The following PWWP2A variants were observed in gnomAD, a reference collection of about 807,000 sequenced individuals.
PWWP2A encodes PWWP domain containing 2A.
Under a neutral mutation model 48.5 loss-of-function variants are expected in PWWP2A, and 18 were observed. The ratio of observed to expected loss-of-function variants is 0.37; its 90% CI spans 0.26 to 0.55. The LOEUF is 0.55. Ranked by LOEUF, PWWP2A falls within the 20% of genes least tolerant of loss-of-function variation. The probability of loss-of-function intolerance (pLI) is 0.81; values close to 1 mark genes in which losing one functional copy is unlikely to be tolerated. For missense variants in PWWP2A, 867 were observed against 976.4 expected (o/e 0.89, Z 1.49); for synonymous variants, 396 against 387.7 (o/e 1.02, Z -0.25).
downstream of PWWP2A, chr5:160,090,939 A>G: frequency 1.0e-6 from 1 of 985,282 alleles, no homozygotes; most frequent in Non-Finnish European, 1.2e-6. Context: ...ACCATGTAGA[A>G]AAATAGTAAG....
chr5:160,092,707 G>A lies in PWWP2A; in HGVS notation c.1943C>T (p.Pro648Leu). ...FSKNVSKCVT[P>L]DGRTICVGDI... ...CCCTACACATATGGTCCTGCCATCT[G>A]GTGTGACGCATTTAGAGACGTTTTT... Residue 648 changes from proline to leucine, a missense_variant, in exon 2 of 2, where the codon CCA (proline) becomes CTA (leucine). Pro to Leu is a moderately conservative substitution (Grantham distance 98, BLOSUM62 -3). Around this residue, in one of 4 missense-constraint regions of PWWP2A, gnomAD observed 97 missense variants for 151.7 expected, o/e 0.64. Coordinates refer to ENST00000307063, the MANE Select transcript of PWWP2A (RefSeq NM_001130864.2). The A allele has an allele frequency of 1.9e-6, 3 of 1,551,612 alleles. No homozygotes were observed. The highest frequency in any genetic ancestry group is 2.6e-6 in the Non-Finnish European group (3 of 1,146,978).
At chr5:160,051,038 G>C in the PWWP2A span, 1 of 994,540 alleles carries the variant, frequency 1.0e-6, no homozygotes, top group South Asian at 1.6e-5. Context: ...TTCCACATTA[G>C]GATTCTTGTG....
downstream of PWWP2A, among the ~76,000 whole-genome samples, chr5:160,072,422 C>A (rs1352479911): frequency 6.6e-6 from 1 of 152,208 alleles, no homozygotes; most frequent in African/African-American, 2.4e-5. Context: ...TGACTGCTTA[C>A]AACCCTTCAA....
chr5:160,075,288 G>A (rs922935486), downstream of PWWP2A, among the ~76,000 whole-genome samples: 3 of 152,144 alleles, frequency 2.0e-5, no homozygotes, highest in African/African-American at 7.2e-5. Context: ...TGAAATGGGA[G>A]AATGTTTGAG....
chr5:160,091,154 T>C (rs747292316), downstream of PWWP2A: 52 of 978,038 alleles, frequency 5.3e-5, no homozygotes, highest in Non-Finnish European at 6.2e-5. Context: ...CAAAATCTTA[T>C]TTTGAGAATA....
intron 2 of PWWP2A, among the ~76,000 whole-genome samples, chr5:160,081,428 T>C (rs922451920): frequency 1.3e-5 from 2 of 152,066 alleles, no homozygotes; most frequent in Non-Finnish European, 2.9e-5. Flanking sequence ...TTAGTAGAGA[T>C]GGGGTTTCAC....
Position 160,091,764 on chromosome 5 carries a change from T to C in PWWP2A, c.*618A>G, listed in dbSNP as rs571413007. ...CAAACACTGGGCTATTTCCCCAGTC[T>C]GTAACTGAATTGCAACCATCTGTTT... On this transcript the variant is annotated 3_prime_UTR_variant, in exon 2 of 2. Coordinates refer to ENST00000307063, the MANE Select transcript of PWWP2A (RefSeq NM_001130864.2). 3.0e-6 allele frequency: 3 copies of C among 985,298 alleles called. No homozygotes were observed. The highest frequency in any genetic ancestry group is 1.7e-5 in the African/African-American group (1 of 57,336). 61.0% of individuals were successfully genotyped at this position (985,298 alleles called of 1,614,324 possible). A position where few individuals can be genotyped will look rare whatever the true frequency, so the allele number is the denominator to read the frequency against.
the PWWP2A span, among the ~76,000 whole-genome samples, chr5:160,053,364 C>T: frequency 1.3e-5 from 2 of 151,928 alleles, no homozygotes; most frequent in Admixed American, 6.6e-5. Context: ...AGGCTGAGCC[C>T]GAGTTCAAGA....
downstream of PWWP2A, chr5:160,089,638 T>G (rs1186589986): frequency 7.8e-7 from 1 of 1,287,982 alleles, no homozygotes; most frequent in Non-Finnish European, 1.0e-6. Context: ...AAAAATACTC[T>G]GATGCTTTAC....
chr5:160,053,472 G>T, the PWWP2A span, among the ~76,000 whole-genome samples: 1 of 152,118 alleles, frequency 6.6e-6, no homozygotes, highest in South Asian at 2.1e-4. Flanking sequence ...GCTGCTGTGG[G>T]AGGATCACTT....
At chr5:160,075,690 TAA>T (rs67736406), downstream of PWWP2A, among the ~76,000 whole-genome samples, 86,836 of 150,774 alleles carry the variant, frequency 0.58, 25,033 homozygotes, top group East Asian at 0.62. Context: ...TCCTTCGTCA[TAA>T]AGAGGTCCCA....
At position 160,093,272 on chromosome 5, in the gene PWWP2A, G is replaced by A. The variant is rs767510893; in HGVS notation, c.1378C>T (p.Arg460Cys). 12 of 1,614,018 alleles carry A rather than the reference G, an allele frequency of 7.4e-6. No individual in the cohort carries two copies. The highest frequency in any genetic ancestry group is 5.5e-5 in the South Asian group (5 of 91,084). Residue 460 changes from arginine (R) to cysteine (C), a missense_variant, in exon 2 of 2, where the codon CGT (arginine) becomes TGT (cysteine). Transcript: ENST00000307063. This position sits in a 1 kb window ranked among gnomAD's most constrained non-coding sequence, Gnocchi z 5.8. ...CCTGAGCTAGGATTCTGATATCGAC[G>A]TGTGAAATGGACTTTTGAATGTGCA... Reference protein sequence around the residue: ...KNAHSKVHFTRRYQNPSSGSL... With the variant: ...KNAHSKVHFTCRYQNPSSGSL...
chr5:160,061,380 C>T (rs1753391590), downstream of PWWP2A, among the ~76,000 whole-genome samples: 1 of 152,244 alleles, frequency 6.6e-6, no homozygotes, highest in Non-Finnish European at 1.5e-5. Flanking sequence ...AACTCAGCTA[C>T]ATATGAATTT....
At chr5:160,110,623 T>C (rs1413695996) in intron 1 of PWWP2A, among the ~76,000 whole-genome samples, 1 of 152,130 alleles carries the variant, frequency 6.6e-6, no homozygotes, top group Non-Finnish European at 1.5e-5. Context: ...GGAGAATTAC[T>C]TGAACCCAGG....
the PWWP2A span, among the ~76,000 whole-genome samples, chr5:160,050,066 T>C: frequency 2.6e-5 from 4 of 151,822 alleles, no homozygotes; most frequent in East Asian, 2.0e-4. Context: ...GAGAGGATCA[T>C]TGAGCCCAGG....
At chr5:160,055,022 G>A in the PWWP2A span, among the ~76,000 whole-genome samples, 3 of 152,190 alleles carry the variant, frequency 2.0e-5, no homozygotes, top group Non-Finnish European at 4.4e-5. Flanking sequence ...TGGGAGGAGT[G>A]CCTTCCTGGG....
At chr5:160,045,522 TCTC>T in the PWWP2A span, among the ~76,000 whole-genome samples, 22 of 66,722 alleles carry the variant, frequency 3.3e-4, no homozygotes, top group African/African-American at 1.4e-3. Context: ...ACATACACAC[TCTC>T]TCTCTCTCTC....
chr5:160,070,439 C>T (rs1753714927), intron 2 of PWWP2A, among the ~76,000 whole-genome samples: 2 of 152,146 alleles, frequency 1.3e-5, no homozygotes, highest in Non-Finnish European at 2.9e-5. Flanking sequence ...AGCCACCACA[C>T]TCCAGCCTGG....
chr5:160,118,947 C>A lies in PWWP2A; in HGVS notation c.442G>T (p.Gly148Cys). 1 of 1,598,992 alleles carries A rather than the reference C, an allele frequency of 6.3e-7. No homozygotes were observed. The highest frequency in any genetic ancestry group is 8.5e-7 in the Non-Finnish European group (1 of 1,174,144). ...AGTTGCGACACCGTGGAGTCCCCGCCCGCCGGCGGCACGAGCGCCGGGGCT... is the reference window on the plus strand; with the variant it reads ...AGTTGCGACACCGTGGAGTCCCCGCACGCCGGCGGCACGAGCGCCGGGGCT... Reference protein sequence around the residue: ...PVAPALVPPAGGDSTVSQLIP... With the variant: ...PVAPALVPPACGDSTVSQLIP... The change falls in exon 1 of 2, where the codon GGC becomes TGC. Residue 148 changes from glycine (G) to cysteine (C), a missense_variant. Physicochemically the swap from Gly to Cys is radical, Grantham distance 159. This residue lies in a region of PWWP2A where 385 missense variants were observed against 396.9 expected (regional missense o/e 0.97). Transcript: ENST00000307063.
Sources: gnomAD v4.1 joint callset for allele counts (sites outside exome capture counted in the v4.1 genomes callset) on GRCh38, gnomAD v4.1.1 for gene constraint, gnomAD v4.1.1 regional missense constraint, Gnocchi (gnomAD v3.1) non-coding constraint, MANE v1.5 for transcripts, NCBI Gene and HGNC (gene_info 2026-07-23, HGNC 2026-07-21) for gene names.